GPATCH2: variants seen among roughly 807,000 people sequenced by gnomAD.
GPATCH2 encodes G-patch domain containing 2.
In GPATCH2, 51 loss-of-function variants were observed where a neutral mutation model predicts 58.0. That is an observed-to-expected ratio of 0.88 (90% CI 0.70 to 1.11). The LOEUF is 1.11. GPATCH2 is among the 50% of genes most tolerant of loss of function. The probability of loss-of-function intolerance (pLI) is 0.00; values close to 1 mark genes in which losing one functional copy is unlikely to be tolerated. For synonymous variants in GPATCH2, 222 were observed against 218.5 expected (o/e 1.02, Z -0.14); for missense variants, 625 against 652.2 (o/e 0.96, Z 0.45).
intron 1 of GPATCH2, among the ~76,000 whole-genome samples, chr1:217,623,278 A>C (rs1179615786): frequency 1.3e-5 from 2 of 152,176 alleles, no homozygotes; most frequent in Non-Finnish European, 2.9e-5. Context: ...TATAATATCA[A>C]ATTAAAGTCA....
intron 3 of GPATCH2, among the ~76,000 whole-genome samples, chr1:217,611,623 C>T (rs912617668): frequency 6.6e-6 from 1 of 152,060 alleles, no homozygotes; most frequent in East Asian, 1.9e-4. Flanking sequence ...CCTTTCTTTG[C>T]AGCAGATATA....
chr1:217,469,970 G>A (rs1370466938), intron 8 of GPATCH2, among the ~76,000 whole-genome samples: 1 of 152,058 alleles, frequency 6.6e-6, no homozygotes, highest in African/African-American at 2.4e-5. Flanking sequence ...AAATATTCTG[G>A]CACTTACACA....
intron 9 of GPATCH2, among the ~76,000 whole-genome samples, chr1:217,436,215 CT>C (rs1658824959): frequency 6.6e-6 from 1 of 151,768 alleles, no homozygotes; most frequent in African/African-American, 2.4e-5. Flanking sequence ...AAATAGAAAA[CT>C]GTTTTGGCCC....
In GPATCH2 at chr1:217,559,291, C is replaced by T. The variant is rs114042418; in HGVS notation, c.1099-44402G>A. ...AAACACTATACTATGCCATGGATCA[C>T]GACTCATTCTAAAGCATAAACATAT... is the stretch of plus-strand genomic sequence containing the variant. On this transcript the variant is annotated intron_variant, in intron 5 of 9. Coordinates refer to ENST00000366935, the MANE Select transcript of GPATCH2 (RefSeq NM_018040.5). Among the ~76,000 whole-genome samples the T allele has an allele frequency of 1.0e-2, 1,509 of 151,296 alleles. 25 individuals carry two copies. The highest frequency in any genetic ancestry group is 0.035 in the African/African-American group (1,423 of 41,172).
intron 5 of GPATCH2, among the ~76,000 whole-genome samples, chr1:217,526,701 T>C (rs1663925081): frequency 6.6e-6 from 1 of 152,166 alleles, no homozygotes; most frequent in Non-Finnish European, 1.5e-5. Flanking sequence ...TTGATAGAAG[T>C]AAATGTCTAT....
intron 8 of GPATCH2, among the ~76,000 whole-genome samples, chr1:217,455,537 C>G (rs1185296547): frequency 6.6e-6 from 1 of 152,160 alleles, no homozygotes. Flanking sequence ...CCACTCTAGT[C>G]AGAGGGTTCG....
In GPATCH2 at chr1:217,543,058, G is replaced by C. The variant is rs977796769; in HGVS notation, c.1099-28169C>G. Among the ~76,000 whole-genome samples the C allele has an allele frequency of 6.6e-5, 10 of 152,162 alleles. No individual in the cohort carries two copies. The East Asian group carries it at 1.7e-3, about 26-fold the overall frequency. The stretch of plus-strand genomic sequence containing the variant: ...CCATGAGCCAGGCACAGTTCTGCCT[G>C]TTTTACCTACATCAGTCCACTTAGC... On this transcript the variant is annotated intron_variant, in intron 5 of 9. Transcript: ENST00000366935.
intron 9 of GPATCH2, among the ~76,000 whole-genome samples, chr1:217,437,222 G>T (rs1419655657): frequency 6.6e-6 from 1 of 152,122 alleles, no homozygotes; most frequent in African/African-American, 2.4e-5. Flanking sequence ...CTGTTCCCAC[G>T]ATCTTCACAA....
At chr1:217,580,966 G>A (rs1275905508) in intron 5 of GPATCH2, among the ~76,000 whole-genome samples, 2 of 36,986 alleles carry the variant, frequency 5.4e-5, no homozygotes, top group African/African-American at 1.7e-4. Context: ...CCGAGATTGC[G>A]CCACTGCAGT....
At chr1:217,484,640 T>C (rs1661371832) in intron 8 of GPATCH2, among the ~76,000 whole-genome samples, 1 of 149,402 alleles carries the variant, frequency 6.7e-6, no homozygotes, top group Non-Finnish European at 1.5e-5. Flanking sequence ...CACACGTGTA[T>C]ACATATATAC....
intron 6 of GPATCH2, among the ~76,000 whole-genome samples, chr1:217,507,236 C>T (rs1020446751): frequency 8.5e-5 from 13 of 152,160 alleles, no homozygotes; most frequent in African/African-American, 1.2e-4. Flanking sequence ...GAACACTGGG[C>T]TGTGTGATCT....
In GPATCH2 at chr1:217,604,051, A is replaced by G. The variant is rs559920794; in HGVS notation, c.1098+6270T>C. ...CAAGTTATCTCAAAATAAGTTATTT[A>G]AAAAAGTGTCAGTTTCTGGCCGGGC... On this transcript the variant is annotated intron_variant, in intron 5 of 9. Coordinates refer to ENST00000366935, the MANE Select transcript of GPATCH2 (RefSeq NM_018040.5). Among the ~76,000 whole-genome samples, 121 of 152,258 alleles carry G rather than the reference A, an allele frequency of 7.9e-4. 1 individual carries two copies. Among genetic ancestry groups the G allele is most frequent in the African/African-American group, 2.7e-3 (113 of 41,558 alleles).
intron 5 of GPATCH2, among the ~76,000 whole-genome samples, chr1:217,541,191 G>A (rs1664722690): frequency 6.6e-6 from 1 of 152,142 alleles, no homozygotes; most frequent in Non-Finnish European, 1.5e-5. Context: ...ATCATCCTAA[G>A]TTTGCTCTCT....
chr1:217,588,415 T>C (rs555662395), intron 5 of GPATCH2, among the ~76,000 whole-genome samples: 1 of 152,296 alleles, frequency 6.6e-6, no homozygotes, highest in African/African-American at 2.4e-5. Flanking sequence ...ACTACACAGC[T>C]GTGTTTTTAA....
intron 8 of GPATCH2, among the ~76,000 whole-genome samples, chr1:217,471,131 G>A (rs764851213): frequency 5.3e-5 from 8 of 151,710 alleles, no homozygotes; most frequent in African/African-American, 9.7e-5. Context: ...ATAAAATGTC[G>A]AGTGATAGAA....
At chr1:217,595,624 C>T (rs972149372) in intron 5 of GPATCH2, among the ~76,000 whole-genome samples, 1 of 151,912 alleles carries the variant, frequency 6.6e-6, no homozygotes, top group African/African-American at 2.4e-5. Context: ...CTCAGCCTCC[C>T]GAGTAGCTGG....
intron 8 of GPATCH2, among the ~76,000 whole-genome samples, chr1:217,468,515 CCACACACACACACACACACACACACA>C (rs10524566): frequency 0.24 from 34,410 of 142,672 alleles, 4,972 homozygotes; most frequent in East Asian, 0.35. Flanking sequence ...GCACACACAA[CCACACACACACACACACACACACACA>C]CACACACACA....
intron 5 of GPATCH2, among the ~76,000 whole-genome samples, chr1:217,572,183 A>G (rs1175808542): frequency 6.6e-6 from 1 of 152,158 alleles, no homozygotes; most frequent in Non-Finnish European, 1.5e-5. Flanking sequence ...AAAAAGACTG[A>G]GGCTTAGAGA....
rs565440470 is a variant in GPATCH2 at position 217,568,948 on chromosome 1, G to A, written c.1098+41373C>T. Among the ~76,000 whole-genome samples, 3 of 152,238 alleles carry A rather than the reference G, an allele frequency of 2.0e-5. No homozygotes were observed. In the East Asian group the frequency reaches 5.8e-4, roughly 29 times the overall value. The stretch of plus-strand genomic sequence containing the variant: ...CTAGAACAAGAAGGTGGAGCTGAAG[G>A]TGATAAGAAGGGATGTGATTCTGAA... On this transcript the variant is annotated intron_variant, in intron 5 of 9. Coordinates refer to ENST00000366935, the MANE Select transcript of GPATCH2 (RefSeq NM_018040.5).
Sources: gnomAD v4.1 joint callset for allele counts (sites outside exome capture counted in the v4.1 genomes callset) on GRCh38, gnomAD v4.1.1 for gene constraint, MANE v1.5 for transcripts, NCBI Gene and HGNC (gene_info 2026-07-23, HGNC 2026-07-21) for gene names.